Variants in ZNF83 observed in about 807,000 individuals in gnomAD.
ZNF83 encodes the protein zinc finger protein 83, also known as zinc finger protein 816B.
For synonymous variants in ZNF83, 209 were observed against 213.0 expected (o/e 0.98, Z 0.17); for missense variants, 552 against 629.9 (o/e 0.88, Z 1.32).
chr19:52,690,081 G>A (rs2062125541), intron 1 of ZNF83, among the ~76,000 whole-genome samples: 2 of 152,086 alleles, frequency 1.3e-5, no homozygotes, highest in Admixed American at 6.6e-5. Context: ...CGCTTCAGAG[G>A]CCGACAAGGG....
chr19:52,669,803 G>A (rs1339324407), intron 1 of ZNF83, among the ~76,000 whole-genome samples: 2 of 152,124 alleles, frequency 1.3e-5, no homozygotes, highest in Non-Finnish European at 2.9e-5. Context: ...GCATCCGTGG[G>A]TTGGTGCAGA....
At chr19:52,685,036 G>A (rs1337864523) in intron 1 of ZNF83, among the ~76,000 whole-genome samples, 1 of 152,236 alleles carries the variant, frequency 6.6e-6, no homozygotes, top group Non-Finnish European at 1.5e-5. Context: ...CTCTGTGTCT[G>A]AGTCTACCGC....
At chr19:52,680,894 G>A (rs1028234007) in intron 1 of ZNF83, among the ~76,000 whole-genome samples, 1 of 151,498 alleles carries the variant, frequency 6.6e-6, no homozygotes, top group African/African-American at 2.4e-5. Context: ...TTACAGGCGT[G>A]AGCCACCGCG....
chr19:52,641,020 G>A (rs536282080), upstream of ZNF83, among the ~76,000 whole-genome samples: 1 of 152,096 alleles, frequency 6.6e-6, no homozygotes. Context: ...GCTGAGGAGA[G>A]AGCCCGAACC....
chr19:52,664,845 G>A (rs888798591), intron 1 of ZNF83, among the ~76,000 whole-genome samples: 5 of 152,034 alleles, frequency 3.3e-5, no homozygotes, highest in African/African-American at 7.2e-5. Context: ...CTCACTCTCC[G>A]TGTTTCTGTT....
At chr19:52,643,932 G>A (rs1377200193) in intron 3 of ZNF83, among the ~76,000 whole-genome samples, 3 of 152,182 alleles carry the variant, frequency 2.0e-5, no homozygotes, top group Non-Finnish European at 2.9e-5. Context: ...CTGGGGCAGA[G>A]GTAGTCATGA....
intron 2 of ZNF83, among the ~76,000 whole-genome samples, chr19:52,659,219 C>T (rs1043219694): frequency 9.9e-5 from 15 of 151,958 alleles, no homozygotes; most frequent in African/African-American, 3.4e-4. Context: ...GTGAAGGAAG[C>T]GTGAGGACCG....
chr19:52,624,078 C>G (rs894192001), intron 2 of ZNF83, among the ~76,000 whole-genome samples: 1 of 47,444 alleles, frequency 2.1e-5, no homozygotes, highest in Non-Finnish European at 4.8e-5. Context: ...AGCAGCTTAC[C>G]TGGGCTGTAC....
At chr19:52,640,231 T>C (rs1323271937), upstream of ZNF83, among the ~76,000 whole-genome samples, 1 of 152,192 alleles carries the variant, frequency 6.6e-6, no homozygotes, top group Non-Finnish European at 1.5e-5. Context: ...GATTAAGTAC[T>C]GAGTTTATGT....
At chr19:52,634,024 C>T (rs1403209560) in intron 2 of ZNF83, among the ~76,000 whole-genome samples, 2 of 151,570 alleles carry the variant, frequency 1.3e-5, no homozygotes, top group Non-Finnish European at 2.9e-5. Context: ...AATCACAGCA[C>T]TATAGGAGGC....
At chr19:52,614,924 C>G (rs2060251433) in intron 2 of ZNF83, 127 bp from the exon 3 acceptor site, 7 of 952,164 alleles carry the variant, frequency 7.4e-6, no homozygotes, top group Non-Finnish European at 9.6e-6. Flanking sequence ...AACTCCCATT[C>G]ATGATTTTTA....
intron 1 of ZNF83, among the ~76,000 whole-genome samples, chr19:52,688,950 G>GAAAA (rs56247444): frequency 7.9e-6 from 1 of 126,802 alleles, no homozygotes; most frequent in East Asian, 2.3e-4. Context: ...AAGGTTGAAG[G>GAAAA]AAAAAAAAAA....
chr19:52,615,730 T>A (rs2147060612), intron 2 of ZNF83, among the ~76,000 whole-genome samples: 1 of 152,366 alleles, frequency 6.6e-6, no homozygotes, highest in East Asian at 1.9e-4. Context: ...AAGTTTAGGA[T>A]GTAAGCATCT....
At chr19:52,641,945 C>G (rs1486163563), upstream of ZNF83, among the ~76,000 whole-genome samples, 1 of 152,132 alleles carries the variant, frequency 6.6e-6, no homozygotes, top group Non-Finnish European at 1.5e-5. Flanking sequence ...GGGGGGCTTC[C>G]GGGTCACAGG....
intron 3 of ZNF83, chr19:52,652,705 T>C: frequency 1.5e-6 from 1 of 655,412 alleles, no homozygotes; most frequent in Non-Finnish European, 2.7e-6. Flanking sequence ...ACTGAGGACT[T>C]TGTGAGAATC....
At chr19:52,638,787 G>C (rs998930599), upstream of ZNF83, among the ~76,000 whole-genome samples, 2 of 152,192 alleles carry the variant, frequency 1.3e-5, no homozygotes, top group Non-Finnish European at 1.5e-5. Flanking sequence ...GATGCAGGAT[G>C]GAGTGCTCAG....
intron 1 of ZNF83, among the ~76,000 whole-genome samples, chr19:52,681,721 A>C (rs1012796623): frequency 6.6e-6 from 1 of 152,256 alleles, no homozygotes; most frequent in African/African-American, 2.4e-5. Context: ...TACAGCTTCA[A>C]AACTAAACTG....
intron 1 of ZNF83, among the ~76,000 whole-genome samples, chr19:52,686,183 T>G (rs2869088): frequency 0.7 from 105,997 of 151,928 alleles, 38,451 homozygotes; most frequent in African/African-American, 0.91. Context: ...GGTACCAAAG[T>G]TTTCCAATAA....
chr19:52,657,355 T>C (rs909624360), intron 2 of ZNF83, among the ~76,000 whole-genome samples: 2 of 151,972 alleles, frequency 1.3e-5, no homozygotes, highest in South Asian at 2.1e-4. Context: ...AGGTAGCTCA[T>C]ATCAGGAATT....
Sources: gnomAD v4.1 joint callset for allele counts (sites outside exome capture counted in the v4.1 genomes callset) on GRCh38, gnomAD v4.1.1 for gene constraint, MANE v1.5 for transcripts, NCBI Gene and HGNC (gene_info 2026-07-23, HGNC 2026-07-21) for gene names.